The following RYR2 variants were observed in gnomAD, a reference collection of about 807,000 sequenced individuals.
RYR2 encodes the protein ryanodine receptor 2, also known as cardiac muscle ryanodine receptor-calcium release channel.
RYR2 carries 227 observed loss-of-function variants against 601.1 expected under a neutral mutation model. The observed-to-expected ratio is 0.38, with a 90% confidence interval of 0.34 to 0.42. The LOEUF is 0.42. Among genes scored for constraint, RYR2 ranks in the 10% least tolerant of loss-of-function variants. The probability of loss-of-function intolerance (pLI) is 1.00; values close to 1 mark genes in which losing one functional copy is unlikely to be tolerated. For synonymous variants in RYR2, 2,223 were observed against 2,175.1 expected, an observed-to-expected ratio of 1.02 and a Z score of -0.61; for missense variants, 4,646 against 6,156.5, an observed-to-expected ratio of 0.75 and a Z score of 8.21.
intron 73 of RYR2, among the ~76,000 whole-genome samples, chr1:237,721,308 T>C (rs1301336564): frequency 3.3e-5 from 5 of 152,188 alleles, no homozygotes; most frequent in Non-Finnish European, 7.3e-5. Flanking sequence ...GGATAAGTAG[T>C]CTTTACAAAT....
chr1:237,707,181 GCACATGAA>G lies in RYR2; in HGVS notation c.9818_9825del (p.Met3273ThrfsTer11). ...TGTGCTGCACAGCCCTGAACTCAGA[GCACATGAA>G]CACACTTCTAGGGAACATATTGAAA... is the stretch of plus-strand genomic sequence containing the variant. On this transcript the variant is annotated frameshift_variant, in exon 68 of 105. Transcript: ENST00000366574. LOFTEE classifies it high-confidence loss of function. 1 of 1,613,300 alleles carries G rather than the reference GCACATGAA, an allele frequency of 6.2e-7. No homozygotes were observed. Among genetic ancestry groups the G allele is most frequent in the Non-Finnish European group, 8.5e-7 (1 of 1,179,392 alleles).
At chr1:237,753,728 G>T (rs1573810722) in intron 80 of RYR2, among the ~76,000 whole-genome samples, 1 of 152,164 alleles carries the variant, frequency 6.6e-6, no homozygotes, top group African/African-American at 2.4e-5. Context: ...AGAGCCTTAG[G>T]CAGTTTAAGC....
chr1:237,663,761 A>G (rs74465523), intron 56 of RYR2, among the ~76,000 whole-genome samples: 1,809 of 152,354 alleles, frequency 0.012, 37 homozygotes, highest in African/African-American at 0.042. Context: ...GTGGATCAAT[A>G]ACCTGATGAA....
intron 23 of RYR2, among the ~76,000 whole-genome samples, chr1:237,509,207 C>A (rs952046167): frequency 6.6e-6 from 1 of 152,090 alleles, no homozygotes; most frequent in Non-Finnish European, 1.5e-5. Flanking sequence ...GTGTTAGCAC[C>A]CGCACCTTTC....
intron 2 of RYR2, among the ~76,000 whole-genome samples, chr1:237,277,280 G>A (rs561181447): frequency 7.9e-5 from 12 of 152,216 alleles, no homozygotes; most frequent in African/African-American, 2.2e-4. Context: ...GCACACACAC[G>A]CTTCAGTTCA....
intron 10 of RYR2, among the ~76,000 whole-genome samples, chr1:237,391,487 C>T (rs576319544): frequency 4.6e-5 from 7 of 152,128 alleles, no homozygotes; most frequent in Admixed American, 2.6e-4. Flanking sequence ...GTCCAATTTA[C>T]TTTGTTAGGA....
intron 12 of RYR2, among the ~76,000 whole-genome samples, chr1:237,436,393 C>T (rs1055240511): frequency 2.2e-4 from 33 of 149,478 alleles, no homozygotes; most frequent in African/African-American, 7.2e-4. Context: ...TCCTTTCTTT[C>T]CACAAACTCA....
intron 35 of RYR2, among the ~76,000 whole-genome samples, chr1:237,607,574 T>TA (rs1033635475): frequency 2.0e-5 from 3 of 151,612 alleles, no homozygotes; most frequent in Non-Finnish European, 2.9e-5. Flanking sequence ...TAAAGTATAA[T>TA]AAAAAAAAGA....
intron 1 of RYR2, among the ~76,000 whole-genome samples, chr1:237,268,030 G>A (rs182422442): frequency 1.1e-3 from 169 of 152,312 alleles, no homozygotes; most frequent in African/African-American, 3.9e-3. Context: ...TAAAGACGGT[G>A]TGCCTTCTCT....
At chr1:237,591,889 T>A in intron 32 of RYR2, 36 bp downstream of exon 32, 2 of 1,439,576 alleles carry the variant, frequency 1.4e-6, no homozygotes, top group Non-Finnish European at 1.9e-6. Context: ...TATTTCTATC[T>A]GTCACTCATT....
intron 24 of RYR2, among the ~76,000 whole-genome samples, chr1:237,515,932 T>C (rs1666485675): frequency 1.4e-5 from 2 of 147,218 alleles, no homozygotes; most frequent in African/African-American, 2.6e-5. Flanking sequence ...CCTCTTCTCC[T>C]TCTTCCTCTT....
chr1:237,644,315 C>CG (rs1558129065), intron 48 of RYR2, among the ~76,000 whole-genome samples: 2 of 152,148 alleles, frequency 1.3e-5, no homozygotes, highest in Non-Finnish European at 2.9e-5. Flanking sequence ...TCACTGCAAT[C>CG]TCTGCCTCAC....
At chr1:237,788,214 C>G in intron 92 of RYR2, 79 bp downstream of exon 92, 3 of 1,187,356 alleles carry the variant, frequency 2.5e-6, no homozygotes, top group Non-Finnish European at 3.5e-6. Flanking sequence ...TGTTTGCTGA[C>G]CTCTCCCTGA....
At chr1:237,417,153 G>C (rs753293504) in intron 11 of RYR2, 30 bp downstream of exon 11, 1 of 1,542,574 alleles carries the variant, frequency 6.5e-7, no homozygotes, top group East Asian at 2.2e-5. Context: ...ACAGCCTAAT[G>C]CACCAAGTGT....
At chr1:237,160,846 T>C (rs868492144) in intron 1 of RYR2, among the ~76,000 whole-genome samples, 1 of 152,180 alleles carries the variant, frequency 6.6e-6, no homozygotes. Flanking sequence ...AACTTCACTC[T>C]AAATCATTAT....
intron 2 of RYR2, among the ~76,000 whole-genome samples, chr1:237,274,439 G>T (rs1213907068): frequency 6.6e-6 from 1 of 151,858 alleles, no homozygotes; most frequent in Non-Finnish European, 1.5e-5. Context: ...TAGGAAAGAG[G>T]TGTCTAGAAC....
At chr1:237,090,284 A>G (rs1270542345) in intron 1 of RYR2, among the ~76,000 whole-genome samples, 1 of 152,190 alleles carries the variant, frequency 6.6e-6, no homozygotes, top group African/African-American at 2.4e-5. Context: ...AATCCCCAGA[A>G]CCTGTAAATA....
intron 1 of RYR2, among the ~76,000 whole-genome samples, chr1:237,057,412 C>T (rs1376791910): frequency 2.0e-5 from 3 of 152,054 alleles, no homozygotes; most frequent in Admixed American, 1.3e-4. Context: ...GTCTCGATCT[C>T]CTGACCTTGT....
At chr1:237,268,935 C>CAAAAAAAAAAAAA (rs1160004017) in intron 1 of RYR2, among the ~76,000 whole-genome samples, 2 of 16,218 alleles carry the variant, frequency 1.2e-4, no homozygotes, top group African/African-American at 1.8e-4. Context: ...ACTCTTGTCT[C>CAAAAAAAAAAAAA]AAAAAAAAAA....
Sources: gnomAD v4.1 joint callset for allele counts (sites outside exome capture counted in the v4.1 genomes callset) on GRCh38, gnomAD v4.1.1 for gene constraint, MANE v1.5 for transcripts, NCBI Gene and HGNC (gene_info 2026-07-23, HGNC 2026-07-21) for gene names.